The following ANXA8 variants were observed in gnomAD, a reference collection of about 807,000 sequenced individuals.
ANXA8 encodes the protein annexin A8.
In ANXA8, 9 loss-of-function variants were observed where a neutral mutation model predicts 26.8. That is an observed-to-expected ratio of 0.34 (90% CI 0.20 to 0.59). The LOEUF is 0.59. Among genes scored for constraint, ANXA8 ranks in the 20% least tolerant of loss-of-function variants. The pLI is 0.84. For missense variants in ANXA8, 83 were observed against 238.5 expected (o/e 0.35, Z 4.29); for synonymous variants, 39 against 94.8 (o/e 0.41, Z 3.42).
chr10:47,599,434 T>C, the ANXA8 span, among the ~76,000 whole-genome samples: 2 of 148,482 alleles, frequency 1.3e-5, no homozygotes, highest in Non-Finnish European at 2.9e-5. Context: ...CTTTTTTTTT[T>C]CTCTTTTGCT....
the ANXA8 span, among the ~76,000 whole-genome samples, chr10:47,543,990 C>T: frequency 6.8e-6 from 1 of 147,944 alleles, no homozygotes; most frequent in Non-Finnish European, 1.5e-5. Flanking sequence ...TGTACTGTGG[C>T]TTGGATTCTG....
the ANXA8 span, among the ~76,000 whole-genome samples, chr10:47,755,559 T>TTC: frequency 1.5e-5 from 2 of 137,010 alleles, no homozygotes; most frequent in African/African-American, 5.4e-5. Context: ...CCGGCCCTTT[T>TTC]TTTTTTTTTT....
the ANXA8 span, among the ~76,000 whole-genome samples, chr10:47,603,175 T>C: frequency 7.6e-5 from 11 of 144,468 alleles, no homozygotes; most frequent in Non-Finnish European, 1.6e-4. Context: ...TTTAATTAGC[T>C]GTATGGTAAA....
chr10:47,560,763 G>C, the ANXA8 span, among the ~76,000 whole-genome samples: 2 of 152,096 alleles, frequency 1.3e-5, no homozygotes, highest in South Asian at 2.1e-4. Flanking sequence ...TAAATATGTG[G>C]TATTACTTAG....
chr10:47,533,201 A>G, the ANXA8 span, among the ~76,000 whole-genome samples: 1 of 140,226 alleles, frequency 7.1e-6, no homozygotes, highest in African/African-American at 2.7e-5. Context: ...ACACACACAC[A>G]CACACACACA....
chr10:47,888,617 T>TTTTTG, the ANXA8 span, among the ~76,000 whole-genome samples: 2 of 1,708 alleles, frequency 1.2e-3, no homozygotes, highest in African/African-American at 7.4e-3. Context: ...GAGTTCCTGT[T>TTTTTG]TTTTGTTTTG....
At chr10:47,495,806 G>C in the ANXA8 span, among the ~76,000 whole-genome samples, 1 of 151,134 alleles carries the variant, frequency 6.6e-6, no homozygotes, top group Non-Finnish European at 1.5e-5. Context: ...GGAAGCCAGG[G>C]AAGTGCAGAA....
At chr10:47,589,347 G>A in the ANXA8 span, 1 of 146,830 alleles carries the variant, frequency 6.8e-6, no homozygotes, top group Non-Finnish European at 1.5e-5. Context: ...ACTCCAGGCT[G>A]CTTCAAGCTC....
At chr10:47,751,062 T>C in the ANXA8 span, 1 of 150,438 alleles carries the variant, frequency 6.6e-6, no homozygotes, top group African/African-American at 2.5e-5. Flanking sequence ...TATATGTTAA[T>C]GAGTACATTA....
the ANXA8 span, among the ~76,000 whole-genome samples, chr10:47,675,527 G>A: frequency 6.6e-6 from 1 of 151,910 alleles, no homozygotes; most frequent in Non-Finnish European, 1.5e-5. Context: ...AATATTTGAA[G>A]CCAGTGATTA....
At chr10:47,750,570 C>T in the ANXA8 span, among the ~76,000 whole-genome samples, 7 of 91,066 alleles carry the variant, frequency 7.7e-5, no homozygotes, top group Non-Finnish European at 1.3e-4. Context: ...CCCCAGCCCT[C>T]CAAGTAGCTG....
chr10:47,718,052 T>A, the ANXA8 span, among the ~76,000 whole-genome samples: 1 of 147,294 alleles, frequency 6.8e-6, no homozygotes, highest in Admixed American at 6.8e-5. Context: ...AGAGCAAGGG[T>A]TGAAAAACTA....
At chr10:47,896,465 TC>T in the ANXA8 span, among the ~76,000 whole-genome samples, 15 of 151,522 alleles carry the variant, frequency 9.9e-5, no homozygotes, top group Non-Finnish European at 2.1e-4. Flanking sequence ...TAGCAGAAGT[TC>T]TGTGAAAGGC....
chr10:47,950,869 A>G, the ANXA8 span, among the ~76,000 whole-genome samples: 8 of 150,836 alleles, frequency 5.3e-5, no homozygotes, highest in African/African-American at 2.0e-4. Flanking sequence ...AGAAAATATA[A>G]AAAGTCCAAG....
the ANXA8 span, among the ~76,000 whole-genome samples, chr10:47,600,284 A>C: frequency 6.6e-6 from 1 of 150,526 alleles, no homozygotes; most frequent in Non-Finnish European, 1.5e-5. Flanking sequence ...AGAGAAAACA[A>C]GCAAGGCTGC....
At chr10:47,953,822 C>T in the ANXA8 span, among the ~76,000 whole-genome samples, 1 of 150,826 alleles carries the variant, frequency 6.6e-6, no homozygotes, top group African/African-American at 2.5e-5. Flanking sequence ...CAGAGATATG[C>T]AAATCAAAAC....
At chr10:47,881,684 TGTGTGAGCATGC>T in the ANXA8 span, among the ~76,000 whole-genome samples, 1 of 65,430 alleles carries the variant, frequency 1.5e-5, no homozygotes, top group Non-Finnish European at 3.2e-5. Context: ...TCTGCTCGTG[TGTGTGAGCATGC>T]GTGTGTGTGT....
chr10:47,763,693 C>G, the ANXA8 span: 1 of 161,656 alleles, frequency 6.2e-6, no homozygotes, highest in African/African-American at 2.4e-5. Flanking sequence ...TCGGCGCGCC[C>G]TGGTCGCGCC....
chr10:47,484,415 T>G, upstream of ANXA8: 1 of 1,099,304 alleles, frequency 9.1e-7, no homozygotes, highest in South Asian at 1.4e-5. Flanking sequence ...CCATGGAGTA[T>G]GCCATTTAAT....
Sources: gnomAD v4.1 joint callset for allele counts (sites outside exome capture counted in the v4.1 genomes callset) on GRCh38, gnomAD v4.1.1 for gene constraint, MANE v1.5 for transcripts, NCBI Gene and HGNC (gene_info 2026-07-23, HGNC 2026-07-21) for gene names.